Variants in GAREM1 observed in about 807,000 individuals in gnomAD.
The protein encoded by GAREM1 is GRB2-associated and regulator of MAPK protein 1.
GAREM1 carries 26 observed loss-of-function variants against 71.3 expected under a neutral mutation model. The ratio of observed to expected loss-of-function variants is 0.36; its 90% CI spans 0.27 to 0.51. The LOEUF (loss-of-function observed/expected upper bound fraction) is 0.51. Ranked by LOEUF, GAREM1 falls within the 20% of genes least tolerant of loss-of-function variation. The probability of loss-of-function intolerance (pLI) is 0.95; values close to 1 mark genes in which losing one functional copy is unlikely to be tolerated. For synonymous variants in GAREM1, 440 were observed against 433.2 expected (o/e 1.02, Z -0.20); for missense variants, 1,026 against 1,103.1 (o/e 0.93, Z 0.99).
At position 32,268,721 on chromosome 18, in the gene GAREM1, G is replaced by T. The variant is rs137998360; in HGVS notation, c.1781C>A (p.Ser594Tyr). The T allele has an allele frequency of 2.5e-6, 4 of 1,614,000 alleles. No homozygotes were observed. The African/African-American group carries it at 5.3e-5, about 22-fold the overall frequency. Residue 594 changes from serine (S) to tyrosine (Y), a missense_variant, in exon 6 of 6, where the codon TCC becomes TAC. By Grantham distance (144) the Ser-to-Tyr change is moderately radical. Transcript: ENST00000269209. ...TTTCACTCGGTTACATGGATAGCAGGAAACAGGAGTGCTTTCAGAAGGATT... is the reference window on the plus strand; with the variant it reads ...TTTCACTCGGTTACATGGATAGCAGTAAACAGGAGTGCTTTCAGAAGGATT... The part of the protein sequence containing the change: ...DTNPSESTPV[S>Y]CYPCNRVKTD...
chr18:32,267,778 T>C lies in GAREM1; in HGVS notation c.*93A>G, dbSNP rs1405158159. The C allele has an allele frequency of 3.9e-6, 4 of 1,037,748 alleles. No individual in the cohort carries two copies. In the African/African-American group the frequency reaches 4.8e-5, roughly 12 times the overall value. 64.3% of individuals were successfully genotyped at this position (1,037,748 alleles called of 1,614,324 possible). Reference sequence around the variant, plus strand: ...TCTTATCCCTATTTACAGAGAAGGTTTTTAGTGCAAAAACATGAAATTGTG... The same window carrying C: ...TCTTATCCCTATTTACAGAGAAGGTCTTTAGTGCAAAAACATGAAATTGTG... On this transcript the variant is annotated 3_prime_UTR_variant, in exon 6 of 6. Transcript: ENST00000269209.
At chr18:32,355,653 G>T (rs187546801) in intron 2 of GAREM1, among the ~76,000 whole-genome samples, 1 of 151,956 alleles carries the variant, frequency 6.6e-6, no homozygotes, top group African/African-American at 2.4e-5. Context: ...AAATACGGGG[G>T]AACTTGGACT....
intron 1 of GAREM1, among the ~76,000 whole-genome samples, chr18:32,397,108 A>AT (rs1343096852): frequency 9.2e-5 from 14 of 152,210 alleles, no homozygotes; most frequent in African/African-American, 3.1e-4. Context: ...ATGCTGAGAG[A>AT]TTTTGTCACC....
intron 1 of GAREM1, among the ~76,000 whole-genome samples, chr18:32,401,647 C>G (rs1431930777): frequency 6.6e-6 from 1 of 152,122 alleles, no homozygotes; most frequent in Admixed American, 6.6e-5. Flanking sequence ...AAAAATTAAT[C>G]TGGCGGAACT....
At chr18:32,363,432 TTGA>T (rs1380386286) in intron 2 of GAREM1, among the ~76,000 whole-genome samples, 1 of 152,214 alleles carries the variant, frequency 6.6e-6, no homozygotes, top group African/African-American at 2.4e-5. Flanking sequence ...GCTTAAATTC[TTGA>T]TGATATCTAT....
chr18:32,363,995 C>CATATATATATATACAT (rs2047893623), intron 2 of GAREM1, among the ~76,000 whole-genome samples: 1 of 21,330 alleles, frequency 4.7e-5, no homozygotes, highest in Non-Finnish European at 8.5e-5. Flanking sequence ...TACATATATA[C>CATATATATATATACAT]ATATATATAT....
intron 1 of GAREM1, among the ~76,000 whole-genome samples, chr18:32,467,918 A>T (rs2049013567): frequency 6.6e-6 from 1 of 152,222 alleles, no homozygotes; most frequent in African/African-American, 2.4e-5. Context: ...TGTGTGAAAC[A>T]TGTTTAAAAA....
intron 2 of GAREM1, among the ~76,000 whole-genome samples, chr18:32,384,160 T>A (rs1353158389): frequency 1.3e-5 from 2 of 152,182 alleles, no homozygotes; most frequent in African/African-American, 2.4e-5. Flanking sequence ...GGTCAGTCGC[T>A]AGAAACCAGC....
At position 32,337,164 on chromosome 18, in the gene GAREM1, A is replaced by G. The variant is rs192579989; in HGVS notation, c.263-26841T>C. On this transcript the variant is annotated intron_variant, in intron 2 of 5. Transcript: ENST00000269209. ...ACCTGTATATTCAAGGCACAAATACATTGGGAAATCAATTCCTGGAAAATA... is the reference window on the plus strand; with the variant it reads ...ACCTGTATATTCAAGGCACAAATACGTTGGGAAATCAATTCCTGGAAAATA... Among the ~76,000 whole-genome samples, 84 of 152,350 alleles carry G rather than the reference A, an allele frequency of 5.5e-4. No homozygotes were observed. In the East Asian group the frequency reaches 0.012, roughly 22 times the overall value.
intron 2 of GAREM1, among the ~76,000 whole-genome samples, chr18:32,380,660 T>C: frequency 6.6e-6 from 1 of 152,068 alleles, no homozygotes; most frequent in Non-Finnish European, 1.5e-5. Flanking sequence ...GGGTGATTCT[T>C]TGTCACAGAA....
At chr18:32,337,503 A>G (rs1276549992) in intron 2 of GAREM1, among the ~76,000 whole-genome samples, 1 of 152,212 alleles carries the variant, frequency 6.6e-6, no homozygotes, top group Non-Finnish European at 1.5e-5. Flanking sequence ...TTATCCACTT[A>G]AAAGTGAGAC....
intron 1 of GAREM1, among the ~76,000 whole-genome samples, chr18:32,452,148 ACT>A (rs2048846062): frequency 6.6e-6 from 1 of 151,966 alleles, no homozygotes; most frequent in South Asian, 2.1e-4. Flanking sequence ...CCTTCCTGAG[ACT>A]CTACTGATAT....
rs548288199 is a variant in GAREM1 at position 32,359,691 on chromosome 18, T to C, written c.262+33204A>G. 6.6e-5 allele frequency among the ~76,000 whole-genome samples: 10 copies of C among 152,242 alleles called. No homozygotes were observed. In the South Asian group the frequency reaches 8.3e-4, roughly 13 times the overall value. ...AAAAAAAAAGATCCTTGCTAGCACT[T>C]TGGGGGGCTGAGGCGAGAGGAACAA... On this transcript the variant is annotated intron_variant, in intron 2 of 5. Transcript: ENST00000269209.
chr18:32,470,156 G>C lies in GAREM1; in HGVS notation c.121+152C>G, dbSNP rs1027546354. 1 of 941,364 alleles carries C rather than the reference G, an allele frequency of 1.1e-6. No homozygotes were observed. Among genetic ancestry groups the C allele is most frequent in the Non-Finnish European group, 1.4e-6 (1 of 709,858 alleles). 58.3% of individuals were successfully genotyped at this position (941,364 alleles called of 1,614,324 possible). A position where few individuals can be genotyped will look rare whatever the true frequency, so the allele number is the denominator to read the frequency against. ...TGCTGGGGGGAGTTGAGAGCAACGC[G>C]CCAGGGCTGCGGCAGCCGCTCGGGC... is the stretch of plus-strand genomic sequence containing the variant. On this transcript the variant is annotated intron_variant, in intron 1 of 5. Coordinates refer to ENST00000269209, the MANE Select transcript of GAREM1 (RefSeq NM_001242409.2). This position sits in a 1 kb window ranked among gnomAD's most constrained non-coding sequence, Gnocchi z 4.4.
chr18:32,467,365 C>T (rs1194116234), intron 1 of GAREM1, among the ~76,000 whole-genome samples: 1 of 152,174 alleles, frequency 6.6e-6, no homozygotes, highest in Non-Finnish European at 1.5e-5. Flanking sequence ...CAACTTCAAC[C>T]CTTCTCTCCT....
At chr18:32,466,859 A>G (rs1357071496) in intron 1 of GAREM1, among the ~76,000 whole-genome samples, 1 of 152,130 alleles carries the variant, frequency 6.6e-6, no homozygotes, top group African/African-American at 2.4e-5. Flanking sequence ...CAAATCTCCC[A>G]AGGAGAATTG....
rs952576614 is a variant in GAREM1 at position 32,303,326 on chromosome 18, G to A, written c.393+6867C>T. ...GATGCCTCAGACCCAATGCCAAATC[G>A]AAGGCCACCTTTTTCCCCTCTCTCT... On this transcript the variant is annotated intron_variant, in intron 3 of 5. Transcript: ENST00000269209. Among the ~76,000 whole-genome samples the A allele has an allele frequency of 3.9e-5, 6 of 152,092 alleles. 1 individual carries two copies. The highest frequency in any genetic ancestry group is 4.1e-4 in the South Asian group (2 of 4,820).
intron 3 of GAREM1, among the ~76,000 whole-genome samples, chr18:32,290,887 G>A (rs916498851): frequency 3.9e-5 from 6 of 152,256 alleles, no homozygotes; most frequent in Middle Eastern, 6.8e-3. Flanking sequence ...TAGCTGGTGA[G>A]AATACAGCAT....
chr18:32,335,266 G>A (rs184288426), intron 2 of GAREM1, among the ~76,000 whole-genome samples: 3 of 152,126 alleles, frequency 2.0e-5, no homozygotes, highest in African/African-American at 4.8e-5. Flanking sequence ...GAATGCTAAC[G>A]CTGGAACAGA....
Sources: gnomAD v4.1 joint callset for allele counts (sites outside exome capture counted in the v4.1 genomes callset) on GRCh38, gnomAD v4.1.1 for gene constraint, Gnocchi (gnomAD v3.1) non-coding constraint, MANE v1.5 for transcripts, NCBI Gene and HGNC (gene_info 2026-07-23, HGNC 2026-07-21) for gene names.